FGF13: variants seen among roughly 807,000 people sequenced by gnomAD.
The protein encoded by FGF13 is fibroblast growth factor homologous factor 2.
Under a neutral mutation model 19.5 loss-of-function variants are expected in FGF13, and 2 were observed. The observed-to-expected ratio is 0.10, with a 90% CI of 0.04 to 0.32. The LOEUF (loss-of-function observed/expected upper bound fraction) is 0.32. Ranked by LOEUF, FGF13 falls within the 10% of genes least tolerant of loss-of-function variation. The probability of loss-of-function intolerance (pLI) is 1.00; values close to 1 mark genes in which losing one functional copy is unlikely to be tolerated. For synonymous variants in FGF13, 72 were observed against 76.9 expected, an observed-to-expected ratio of 0.94 and a Z score of 0.33; for missense variants, 113 against 192.7, an observed-to-expected ratio of 0.59 and a Z score of 2.45.
chrX:139,002,374 G>T (rs917665085), intron 1 of FGF13, among the ~76,000 whole-genome samples: 1 of 111,323 alleles, frequency 9.0e-6, no homozygotes, highest in Admixed American at 9.6e-5. Flanking sequence ...GCTTAAAGAT[G>T]TATTGCGTTT....
chrX:138,702,631 A>G (rs2089958283), intron 3 of FGF13, among the ~76,000 whole-genome samples: 2 of 111,873 alleles, frequency 1.8e-5, no homozygotes, highest in African/African-American at 6.5e-5. Context: ...TTTAGGAGTA[A>G]ACCTGGATAA....
intron 1 of FGF13, among the ~76,000 whole-genome samples, chrX:139,175,188 C>T (rs2084170053): frequency 9.0e-6 from 1 of 111,489 alleles, no homozygotes. Flanking sequence ...CATGACTTGG[C>T]TCTCTGTTTG....
intron 3 of FGF13, among the ~76,000 whole-genome samples, chrX:138,656,234 T>C (rs2089436236): frequency 9.0e-6 from 1 of 111,719 alleles, no homozygotes; most frequent in African/African-American, 3.3e-5. Flanking sequence ...AAGAGCATCC[T>C]AGACTGAGGT....
At chrX:138,755,701 C>T (rs1002281153) in intron 3 of FGF13, among the ~76,000 whole-genome samples, 2 of 112,392 alleles carry the variant, frequency 1.8e-5, no homozygotes, top group East Asian at 2.8e-4. Flanking sequence ...TTCTGCAAAA[C>T]TTGTTGTTTG....
intron 1 of FGF13, among the ~76,000 whole-genome samples, chrX:139,063,835 G>T (rs1008096666): frequency 9.0e-6 from 1 of 111,375 alleles, no homozygotes; most frequent in South Asian, 3.8e-4. Flanking sequence ...TGGGTGCAGG[G>T]CTGTATACAG....
At chrX:138,949,579 C>A (rs1206591833) in intron 1 of FGF13, among the ~76,000 whole-genome samples, 1 of 111,729 alleles carries the variant, frequency 9.0e-6, no homozygotes, top group Non-Finnish European at 1.9e-5. Context: ...GACCCTATTT[C>A]CAAATAAGAT....
chrX:138,920,217 A>C (rs146752601), intron 1 of FGF13, among the ~76,000 whole-genome samples: 3,763 of 110,996 alleles, frequency 0.034, 162 homozygotes, highest in African/African-American at 0.12. Context: ...GTCAAGCATA[A>C]CTCATTTAAA....
intron 1 of FGF13, among the ~76,000 whole-genome samples, chrX:139,092,197 G>A (rs1468312006): frequency 9.0e-6 from 1 of 111,696 alleles, no homozygotes; most frequent in African/African-American, 3.3e-5. Flanking sequence ...TGGCACCCAG[G>A]TGACCTGAAG....
intron 1 of FGF13, among the ~76,000 whole-genome samples, chrX:139,180,545 A>G (rs1290940664): frequency 8.9e-6 from 1 of 112,020 alleles, no homozygotes; most frequent in African/African-American, 3.2e-5. Flanking sequence ...ATGAAAAAAA[A>G]CCCTCATTCT....
At chrX:138,724,777 CTG>C (rs2090172545) in intron 1 of FGF13, among the ~76,000 whole-genome samples, 2 of 111,467 alleles carry the variant, frequency 1.8e-5, no homozygotes, top group African/African-American at 3.3e-5. Flanking sequence ...ACTAAATGCA[CTG>C]TGCTATCCTG....
chrX:138,685,218 T>C (rs1301738298), intron 3 of FGF13, among the ~76,000 whole-genome samples: 1 of 111,039 alleles, frequency 9.0e-6, no homozygotes, highest in African/African-American at 3.3e-5. Flanking sequence ...CAAGAGAAAC[T>C]TTCTAAGACT....
chrX:139,139,638 C>T (rs1047144504), intron 1 of FGF13, among the ~76,000 whole-genome samples: 1 of 111,906 alleles, frequency 8.9e-6, no homozygotes, highest in African/African-American at 3.2e-5. Flanking sequence ...AAAAAGGTAA[C>T]CTAAATGTAG....
At chrX:138,781,501 C>T (rs2090642281) in intron 3 of FGF13, among the ~76,000 whole-genome samples, 1 of 109,344 alleles carries the variant, frequency 9.1e-6, no homozygotes, top group African/African-American at 3.3e-5. Flanking sequence ...ACCGATCCCA[C>T]AGAAATACAA....
chrX:139,173,062 G>A (rs1185385726), intron 1 of FGF13, among the ~76,000 whole-genome samples: 1 of 112,187 alleles, frequency 8.9e-6, no homozygotes, highest in African/African-American at 3.2e-5. Context: ...AATTTTAAAA[G>A]TTAATTACCA....
rs190664164 is a variant in FGF13 at position 138,939,004 on chromosome X, G to A, written c.-112-74354C>T. Among the ~76,000 whole-genome samples the A allele has an allele frequency of 3.8e-3, 422 of 112,158 alleles. 2 individuals are homozygous for A. Among genetic ancestry groups the A allele is most frequent in the Middle Eastern group, 0.014 (3 of 219 alleles). On this transcript the variant is annotated intron_variant, in intron 1 of 2. Coordinates refer to the FGF13 transcript ENST00000421460. ...AGCCCAAGGAAAGAGTCCATTAGGC[G>A]TTGAGAGGCATTTGCCATGTTGAGG...
intron 1 of FGF13, among the ~76,000 whole-genome samples, chrX:138,869,210 C>A (rs756012416): frequency 8.9e-6 from 1 of 112,032 alleles, no homozygotes; most frequent in South Asian, 3.7e-4. Context: ...TGCCCAGGAA[C>A]AATGGTGAAA....
rs775279050 is a variant in FGF13, at chrX:139,159,367, C to CA, written c.-113+44048dup. ...AAGGAAAAACTGGTACCAGCCACTG[C>CA]AAAAACATACCAAATTGTAAAGACC... On this transcript the variant is annotated intron_variant, in intron 1 of 2. Coordinates refer to the FGF13 transcript ENST00000421460. Among the ~76,000 whole-genome samples the CA allele has an allele frequency of 9.2e-4, 103 of 111,594 alleles. No homozygotes were observed. In the South Asian group the frequency reaches 0.038, roughly 41 times the overall value.
intron 3 of FGF13, among the ~76,000 whole-genome samples, chrX:138,643,402 T>G (rs947366299): frequency 4.5e-5 from 5 of 112,250 alleles, no homozygotes; most frequent in Non-Finnish European, 9.4e-5. Flanking sequence ...ATACAAAAAT[T>G]ACATGATCCA....
At chrX:139,069,615 T>TA (rs796108737) in intron 1 of FGF13, among the ~76,000 whole-genome samples, 40 of 103,235 alleles carry the variant, frequency 3.9e-4, no homozygotes, top group African/African-American at 6.6e-4. Context: ...AAGTATAATT[T>TA]AAAAAAAAAA....
Sources: gnomAD v4.1 joint callset for allele counts (sites outside exome capture counted in the v4.1 genomes callset) on GRCh38, gnomAD v4.1.1 for gene constraint, MANE v1.5 for transcripts, NCBI Gene and HGNC (gene_info 2026-07-23, HGNC 2026-07-21) for gene names.